TAB1: variants seen among roughly 807,000 people sequenced by gnomAD.
TAB1 encodes the protein TGF-beta-activated kinase 1 and MAP3K7-binding protein 1.
Under a neutral mutation model 54.5 loss-of-function variants are expected in TAB1, and 30 were observed. The observed-to-expected ratio is 0.55, with a 90% CI of 0.41 to 0.75. The LOEUF (loss-of-function observed/expected upper bound fraction) is 0.75. Among genes scored for constraint, TAB1 ranks in the 30% least tolerant of loss-of-function variants. The probability of loss-of-function intolerance (pLI) is 0.00; values close to 1 mark genes in which losing one functional copy is unlikely to be tolerated. For synonymous variants in TAB1, 289 were observed against 286.9 expected (o/e 1.01, Z -0.07); for missense variants, 609 against 683.2 (o/e 0.89, Z 1.21).
chr22:39,426,620 T>A, intron 8 of TAB1, 83 bp from the exon 9 acceptor site: 1 of 1,297,624 alleles, frequency 7.7e-7, no homozygotes, highest in Non-Finnish European at 1.1e-6. Flanking sequence ...CTGAATCTCC[T>A]GATTTTAGGC....
rs991025666 is a variant in TAB1, at chr22:39,431,542, C to T, written c.*1320C>T. The T allele has an allele frequency of 1.0e-6, 1 of 985,524 alleles. No homozygotes were observed. The highest frequency in any genetic ancestry group is 1.2e-6 in the Non-Finnish European group (1 of 829,992). The allele number at this position is 985,524 out of a possible 1,614,324, so 61.0% of individuals were successfully genotyped here. ...TCGCACAGCCTCTGGGGTGCTTGGT[C>T]TCTGCGAAGTCAAAGGCCTGACAGC... On this transcript the variant is annotated 3_prime_UTR_variant, in exon 11 of 11. Coordinates refer to ENST00000216160, the MANE Select transcript of TAB1 (RefSeq NM_006116.3).
intron 8 of TAB1, 50 bp from the exon 9 acceptor site, chr22:39,426,653 C>A: frequency 6.6e-7 from 1 of 1,519,494 alleles, no homozygotes; most frequent in South Asian, 1.2e-5. Context: ...GCCCATGCCC[C>A]CCAGGCCGCA....
intron 7 of TAB1, among the ~76,000 whole-genome samples, chr22:39,420,654 A>T (rs934501519): frequency 2.6e-5 from 4 of 152,098 alleles, no homozygotes; most frequent in Non-Finnish European, 4.4e-5. Context: ...TGGGGTCTAT[A>T]CAGGGAAAGG....
rs376349547 is a variant in TAB1, at chr22:39,399,874, G to T, written c.33+39G>T. ...CCGCTCTCTGGGCTTGGGGTTGGGA[G>T]CCTGGGCGGGGGTGCTGTCGGGTGC... is the stretch of plus-strand genomic sequence containing the variant. On this transcript the variant is annotated intron_variant, in intron 1 of 10. Coordinates refer to ENST00000216160, the MANE Select transcript of TAB1 (RefSeq NM_006116.3). The T allele has an allele frequency of 1.4e-5, 22 of 1,574,516 alleles. No individual in the cohort carries two copies. The South Asian group carries it at 2.1e-4, about 15-fold the overall frequency.
At position 39,414,909 on chromosome 22, in the gene TAB1, C is replaced by T. The variant is rs1357352762; in HGVS notation, c.34-97C>T. 3.7e-5 allele frequency: 53 copies of T among 1,426,716 alleles called. No homozygotes were observed. In the East Asian group the frequency reaches 3.9e-4, roughly 11 times the overall value. The allele number at this position is 1,426,716 out of a possible 1,614,324, so 88.4% of individuals were successfully genotyped here. A position where few individuals can be genotyped will look rare whatever the true frequency, so the allele number is the denominator to read the frequency against. ...AAGTGGAACCCTCTGTGTAGGGCTG[C>T]GGGCCTGCTAGGTTTTTGTTGCAGA... On this transcript the variant is annotated intron_variant, in intron 1 of 10. Transcript: ENST00000216160.
chr22:39,426,999 G>A, intron 9 of TAB1, 74 bp downstream of exon 9: 1 of 1,464,374 alleles, frequency 6.8e-7, no homozygotes, highest in South Asian at 1.2e-5. Context: ...GAGCCCCCGA[G>A]GCTGCTTGAA....
chr22:39,404,256 G>A (rs2145653744), intron 1 of TAB1, among the ~76,000 whole-genome samples: 1 of 152,302 alleles, frequency 6.6e-6, no homozygotes, highest in South Asian at 2.1e-4. Context: ...GGAATCAAGA[G>A]TTTGATTTTG....
intron 10 of TAB1, 60 bp from the exon 11 acceptor site, chr22:39,429,955 C>A: frequency 6.2e-7 from 1 of 1,600,564 alleles, no homozygotes; most frequent in South Asian, 1.1e-5. Flanking sequence ...TGTCCCCACT[C>A]TGCCCCAGGC....
At chr22:39,405,207 A>G (rs1346431911) in intron 1 of TAB1, among the ~76,000 whole-genome samples, 1 of 152,218 alleles carries the variant, frequency 6.6e-6, no homozygotes, top group Non-Finnish European at 1.5e-5. Flanking sequence ...TGACATGGAC[A>G]CATATATACA....
intron 1 of TAB1, among the ~76,000 whole-genome samples, chr22:39,403,830 G>A (rs1926250524): frequency 1.3e-5 from 2 of 151,616 alleles, no homozygotes; most frequent in South Asian, 2.1e-4. Flanking sequence ...TTTTTTAGTA[G>A]AGACGGGGTT....
chr22:39,430,537 G>A lies in TAB1; in HGVS notation c.*315G>A. ...CCTGCAAGCCGCCCGAGCCTCCCCA[G>A]CAGCCTCCTACAGAGCAGGAAGAGG... On this transcript the variant is annotated 3_prime_UTR_variant, in exon 11 of 11. Coordinates refer to ENST00000216160, the MANE Select transcript of TAB1 (RefSeq NM_006116.3). The A allele has an allele frequency of 2.4e-6, 3 of 1,257,464 alleles. No homozygotes were observed. The highest frequency in any genetic ancestry group is 3.2e-4 in the Middle Eastern group (1 of 3,102). 77.9% of individuals were successfully genotyped at this position (1,257,464 alleles called of 1,614,324 possible). A position where few individuals can be genotyped will look rare whatever the true frequency, so the allele number is the denominator to read the frequency against.
intron 1 of TAB1, among the ~76,000 whole-genome samples, chr22:39,407,704 C>T (rs897657040): frequency 5.9e-5 from 9 of 152,148 alleles, no homozygotes; most frequent in African/African-American, 1.4e-4. Context: ...CCAGGATGGT[C>T]TCGATCTCCT....
chr22:39,427,334 A>G (rs1362539663), intron 9 of TAB1, among the ~76,000 whole-genome samples: 5 of 152,254 alleles, frequency 3.3e-5, no homozygotes, highest in Non-Finnish European at 7.3e-5. Flanking sequence ...CTGAGGCTGA[A>G]GAATGAAGGG....
chr22:39,430,500 A>C lies in TAB1; in HGVS notation c.*278A>C. ...CTCAGAGCAGAGGGCCAGGTATAGA[A>C]ACCGCAGTGGGCCTGCAAGCCGCCC... On this transcript the variant is annotated 3_prime_UTR_variant, in exon 11 of 11. Coordinates refer to ENST00000216160, the MANE Select transcript of TAB1 (RefSeq NM_006116.3). 1 of 1,331,078 alleles carries C rather than the reference A, an allele frequency of 7.5e-7. No homozygotes were observed. The highest frequency in any genetic ancestry group is 9.7e-7 in the Non-Finnish European group (1 of 1,033,374). The allele number at this position is 1,331,078 out of a possible 1,614,324, so 82.5% of individuals were successfully genotyped here.
chr22:39,422,502 G>A (rs1471393117), intron 8 of TAB1, among the ~76,000 whole-genome samples: 2 of 143,686 alleles, frequency 1.4e-5, no homozygotes, highest in East Asian at 4.2e-4. Context: ...TCCGCCTCCC[G>A]GGTTCAAGCA....
chr22:39,434,770 C>G (rs760223298), downstream of TAB1, among the ~76,000 whole-genome samples: 4 of 152,272 alleles, frequency 2.6e-5, no homozygotes, highest in Non-Finnish European at 5.9e-5. Context: ...TGTCCTGGTT[C>G]TCCCATCACA....
intron 10 of TAB1, among the ~76,000 whole-genome samples, chr22:39,428,883 T>C (rs545003529): frequency 2.0e-5 from 3 of 152,236 alleles, no homozygotes; most frequent in Non-Finnish European, 2.9e-5. Flanking sequence ...TCAGGGGGCC[T>C]TCCTTTCCCT....
downstream of TAB1, chr22:39,436,662 C>T (rs963651947): frequency 5.1e-5 from 54 of 1,056,700 alleles, no homozygotes; most frequent in Middle Eastern, 7.1e-4. Context: ...GGGATCTTCT[C>T]GTGCCAGGCC....
At chr22:39,399,986 C>T in intron 1 of TAB1, 151 bp downstream of exon 1, 2 of 936,614 alleles carry the variant, frequency 2.1e-6, no homozygotes, top group South Asian at 1.6e-5. Flanking sequence ...GGGCTGGCCC[C>T]CTCGTTCCCG....
Sources: allele counts gnomAD v4.1 joint callset (sites outside exome capture counted in the v4.1 genomes callset), GRCh38; gene constraint gnomAD v4.1.1; transcripts MANE v1.5; gene names NCBI Gene and HGNC (gene_info 2026-07-23, HGNC 2026-07-21).